CASP8: variants seen among roughly 807,000 people sequenced by gnomAD.
The protein encoded by CASP8 is caspase-8.
CASP8 carries 24 observed loss-of-function variants against 46.3 expected under a neutral mutation model. The observed-to-expected ratio is 0.52, with a 90% CI of 0.38 to 0.73. The LOEUF (loss-of-function observed/expected upper bound fraction) is 0.73, where lower values mean the gene tolerates loss of function less well. Among genes scored for constraint, CASP8 ranks in the 30% least tolerant of loss-of-function variants. CASP8 has a pLI of 0.00. For missense variants in CASP8, 460 were observed against 559.0 expected, an observed-to-expected ratio of 0.82 and a Z score of 1.79; for synonymous variants, 188 against 200.4, an observed-to-expected ratio of 0.94 and a Z score of 0.52.
intron 2 of CASP8, among the ~76,000 whole-genome samples, chr2:201,237,966 C>T (rs1364899218): frequency 6.6e-6 from 1 of 152,190 alleles, no homozygotes; most frequent in South Asian, 2.1e-4. Context: ...AGAACAACCT[C>T]TTGGCAAATG....
At chr2:201,285,587 T>C (rs1013275797) in intron 8 of CASP8, among the ~76,000 whole-genome samples, 1 of 152,228 alleles carries the variant, frequency 6.6e-6, no homozygotes, top group Admixed American at 6.5e-5. Context: ...AAAGCTGAGA[T>C]GCTTTATTCC....
At chr2:201,280,869 T>C (rs1480815913) in intron 7 of CASP8, among the ~76,000 whole-genome samples, 1 of 152,166 alleles carries the variant, frequency 6.6e-6, no homozygotes, top group African/African-American at 2.4e-5. Context: ...GCCAGATCCA[T>C]TGAGCACTTG....
chr2:201,240,746 TG>T (rs986751489), intron 2 of CASP8: 13 of 152,182 alleles, frequency 8.5e-5, no homozygotes, highest in South Asian at 2.1e-4. Context: ...CAAATGCACA[TG>T]GAACTTTCTC....
At chr2:201,239,063 T>C (rs138064307) in intron 2 of CASP8, among the ~76,000 whole-genome samples, 8,507 of 152,102 alleles carry the variant, frequency 0.056, 738 homozygotes, top group African/African-American at 0.19. Context: ...AGCACATGTT[T>C]CAGAGAGCAC....
Position 201,261,163 on chromosome 2 carries a change from C to T in CASP8, c.-27+550C>T, listed in dbSNP as rs1012699259. On this transcript the variant is annotated intron_variant, in intron 1 of 8. Coordinates refer to ENST00000673742, the MANE Select transcript of CASP8 (RefSeq NM_001372051.1). ...ATCCCAGCACTTTGGGAGGTCGAGG[C>T]GGTGGTTCACCTGAGGTCGGGAGTT... Among the ~76,000 whole-genome samples, 5 of 152,112 alleles carry T rather than the reference C, an allele frequency of 3.3e-5. No homozygotes were observed. The South Asian group carries it at 6.2e-4, about 19-fold the overall frequency.
upstream of CASP8, chr2:201,258,125 C>A: frequency 1.5e-6 from 2 of 1,293,852 alleles, no homozygotes; most frequent in Middle Eastern, 1.9e-4. Context: ...CCAGATTCTG[C>A]CTTTCTGCTG....
chr2:201,263,074 A>C (rs918813681), intron 1 of CASP8, among the ~76,000 whole-genome samples: 1 of 152,206 alleles, frequency 6.6e-6, no homozygotes, highest in Non-Finnish European at 1.5e-5. Context: ...GTGAGATGAG[A>C]TGGCTATGGA....
rs114673461 is a variant in CASP8, at chr2:201,236,113, T to G, written c.-27+2001T>G. 4.8e-3 allele frequency among the ~76,000 whole-genome samples: 726 copies of G among 152,312 alleles called. 3 individuals carry two copies. Among genetic ancestry groups the G allele is most frequent in the Non-Finnish European group, 7.6e-3 (515 of 68,026 alleles). Reference sequence around the variant, plus strand: ...GTATATATTTGAGTGGAACTATCACTGCAGTCAGGATAGTGAACATATATA... The same window carrying G: ...GTATATATTTGAGTGGAACTATCACGGCAGTCAGGATAGTGAACATATATA... On this transcript the variant is annotated intron_variant, in intron 2 of 6. Coordinates refer to the CASP8 transcript ENST00000264274.
Position 201,266,840 on chromosome 2 carries a change from C to T in CASP8, c.305+49C>T. 6.8e-7 allele frequency: 1 copy of T among 1,469,668 alleles called. No individual in the cohort carries two copies. Among genetic ancestry groups the T allele is most frequent in the Non-Finnish European group, 9.4e-7 (1 of 1,060,732 alleles). The allele number at this position is 1,469,668 out of a possible 1,614,324, so 91.0% of individuals were successfully genotyped here. ...GACTGGGAGGTGTGGGTTGAATGGA[C>T]AGCCTCTGAGCTGATTGGGGCTTTT... On this transcript the variant is annotated intron_variant, in intron 2 of 8. Coordinates refer to ENST00000673742, the MANE Select transcript of CASP8 (RefSeq NM_001372051.1). The surrounding 1 kb of genome is among the most constrained non-coding windows in gnomAD (Gnocchi z 5.7).
chr2:201,286,398 G>A, intron 8 of CASP8, 61 bp from the exon 9 acceptor site: 3 of 1,581,078 alleles, frequency 1.9e-6, no homozygotes, highest in Non-Finnish European at 2.6e-6. Context: ...CACAGCAGAG[G>A]AGACAGTTCA....
At position 201,286,453 on chromosome 2, in the gene CASP8, T is replaced by C. The variant is rs2125509431; in HGVS notation, c.1305-6T>C. 6.2e-7 allele frequency: 1 copy of C among 1,612,122 alleles called. No homozygotes were observed. Among genetic ancestry groups the C allele is most frequent in the Non-Finnish European group, 8.5e-7 (1 of 1,178,402 alleles). On this transcript the variant is annotated splice_polypyrimidine_tract_variant and splice_region_variant and intron_variant, in intron 8 of 8. Coordinates refer to ENST00000673742, the MANE Select transcript of CASP8 (RefSeq NM_001372051.1). Reference sequence around the variant, plus strand: ...GACAGTCACAATATTATGTGATGTATTTCAGAGGCGATGATATTCTCACCA... The same window carrying C: ...GACAGTCACAATATTATGTGATGTACTTCAGAGGCGATGATATTCTCACCA...
At chr2:201,258,233 T>C (rs3769824), upstream of CASP8, 71,407 of 1,607,054 alleles carry the variant, frequency 0.044, 2,036 homozygotes, top group Admixed American at 0.1. Context: ...AGTGAGGCCA[T>C]GGAGGGAGGC....
intron 2 of CASP8, among the ~76,000 whole-genome samples, chr2:201,239,379 G>A (rs554183446): frequency 3.3e-5 from 5 of 152,284 alleles, no homozygotes; most frequent in Non-Finnish European, 5.9e-5. Flanking sequence ...CAGACGGGGC[G>A]GCTGGCCGGG....
At chr2:201,274,492 T>A (rs181916356) in intron 5 of CASP8, among the ~76,000 whole-genome samples, 158 of 152,310 alleles carry the variant, frequency 1.0e-3, no homozygotes, top group Middle Eastern at 6.8e-3. Context: ...TTTATTTATT[T>A]GAGACAGAGT....
upstream of CASP8, among the ~76,000 whole-genome samples, chr2:201,259,753 G>A (rs78561548): frequency 1.5e-3 from 234 of 152,174 alleles, 6 homozygotes; most frequent in East Asian, 0.023. Context: ...CCCAGGATTT[G>A]CTTCTTTGAT....
chr2:201,235,565 T>C (rs867925909), intron 2 of CASP8, among the ~76,000 whole-genome samples: 7 of 152,342 alleles, frequency 4.6e-5, no homozygotes, highest in Middle Eastern at 3.4e-3. Context: ...TAATTATGCA[T>C]GCTTTTAGTA....
intron 7 of CASP8, chr2:201,277,829 T>C (rs904772161): frequency 3.6e-5 from 12 of 332,074 alleles, no homozygotes; most frequent in East Asian, 1.2e-4. Context: ...GCCTCCCAAG[T>C]AGCTGGGACT....
At chr2:201,282,845 G>A (rs1164927873) in intron 7 of CASP8, among the ~76,000 whole-genome samples, 15 of 79,224 alleles carry the variant, frequency 1.9e-4, no homozygotes, top group African/African-American at 5.4e-4. Context: ...CCTCCCGGAC[G>A]GGGCGGCTGG....
chr2:201,284,651 T>G (rs1187301815), intron 7 of CASP8, among the ~76,000 whole-genome samples, 165 bp from the exon 8 acceptor site: 7 of 942 alleles, frequency 7.4e-3, no homozygotes, highest in South Asian at 0.042. Flanking sequence ...TGGCTCGGCA[T>G]GAGAGGGAGA....
Sources: allele counts gnomAD v4.1 joint callset (sites outside exome capture counted in the v4.1 genomes callset), GRCh38; gene constraint gnomAD v4.1.1; non-coding constraint Gnocchi (gnomAD v3.1); transcripts MANE v1.5; gene names NCBI Gene and HGNC (gene_info 2026-07-23, HGNC 2026-07-21).